Variants in MAPK10 observed in about 807,000 individuals in gnomAD.
The protein encoded by MAPK10 is JNK3 alpha protein kinase.
A neutral mutation model predicts 59.3 loss-of-function variants in MAPK10; 25 were observed. That is an observed-to-expected ratio of 0.42 (90% CI 0.31 to 0.59). MAPK10 has a LOEUF of 0.59. Among genes scored for constraint, MAPK10 ranks in the 20% least tolerant of loss-of-function variants. MAPK10 has a pLI of 0.15. For synonymous variants in MAPK10, 190 were observed against 200.5 expected (o/e 0.95, Z 0.44); for missense variants, 351 against 568.9 (o/e 0.62, Z 3.90).
chr4:86,260,260 T>G, intron 2 of MAPK10, among the ~76,000 whole-genome samples: 1 of 152,206 alleles, frequency 6.6e-6, no homozygotes, highest in East Asian at 1.9e-4. Context: ...AGGCTTTCCA[T>G]TTGTAAAATA....
chr4:86,266,960 T>C lies in MAPK10; in HGVS notation c.-6-72553A>G, dbSNP rs187655848. On this transcript the variant is annotated intron_variant, in intron 2 of 13. Coordinates refer to ENST00000641462, the MANE Select transcript of MAPK10 (RefSeq NM_138982.4). ...GTGGTATGGATGTGTATTGGTGGTA[T>C]AGATATGTATTTATGTATTTTCTTT... is the stretch of plus-strand genomic sequence containing the variant. Among the ~76,000 whole-genome samples the C allele has an allele frequency of 1.3e-4, 20 of 152,272 alleles. No individual in the cohort carries two copies. The East Asian group carries it at 3.1e-3, about 23-fold the overall frequency.
In MAPK10 at chr4:86,211,701, A is replaced by T. The variant is rs145246890; in HGVS notation, c.-6-17294T>A. Among the ~76,000 whole-genome samples the T allele has an allele frequency of 3.5e-3, 526 of 152,224 alleles. 1 individual carries two copies. The highest frequency in any genetic ancestry group is 5.0e-3 in the Non-Finnish European group (338 of 67,982). ...TATTGCAATAATCATTTGTAATTCT[A>T]CTCTTTGCTTTCTACATAATTTAAG... is the stretch of plus-strand genomic sequence containing the variant. On this transcript the variant is annotated intron_variant, in intron 2 of 13. Coordinates refer to ENST00000641462, the MANE Select transcript of MAPK10 (RefSeq NM_138982.4).
intron 2 of MAPK10, among the ~76,000 whole-genome samples, chr4:86,199,242 T>C (rs1443755317): frequency 6.6e-6 from 1 of 152,004 alleles, no homozygotes. Flanking sequence ...CATTAGAATA[T>C]TTTTATAATA....
At chr4:86,228,819 A>G (rs2091092293) in intron 2 of MAPK10, among the ~76,000 whole-genome samples, 2 of 152,278 alleles carry the variant, frequency 1.3e-5, no homozygotes, top group Admixed American at 1.3e-4. Context: ...CGGGTAAGCT[A>G]TGATTTCTCT....
At chr4:86,103,117 G>GGT (rs1553989213) in intron 6 of MAPK10, 69 bp downstream of exon 6, 8 of 743,242 alleles carry the variant, frequency 1.1e-5, no homozygotes, top group Non-Finnish European at 1.6e-5. Flanking sequence ...GTGTGTGTGT[G>GGT]GTGTGTGATT....
At chr4:86,524,484 A>G (rs1757328748) in intron 1 of MAPK10, among the ~76,000 whole-genome samples, 1 of 152,156 alleles carries the variant, frequency 6.6e-6, no homozygotes, top group South Asian at 2.1e-4. Context: ...TGTATTTGTC[A>G]GAAAGTTTCT....
chr4:86,050,905 A>C (rs896597043), intron 11 of MAPK10, among the ~76,000 whole-genome samples: 1 of 152,160 alleles, frequency 6.6e-6, no homozygotes, highest in Admixed American at 6.6e-5. Flanking sequence ...CTTAGGTAAG[A>C]AATTTTCAGA....
intron 1 of MAPK10, among the ~76,000 whole-genome samples, chr4:86,389,094 G>C (rs1741868006): frequency 6.6e-6 from 1 of 152,152 alleles, no homozygotes; most frequent in Non-Finnish European, 1.5e-5. Context: ...CATGGGGCTG[G>C]ATCTCCCGCT....
chr4:86,535,195 C>T (rs115568512), intron 1 of MAPK10, among the ~76,000 whole-genome samples: 425 of 152,180 alleles, frequency 2.8e-3, no homozygotes, highest in Non-Finnish European at 2.2e-3. Context: ...AAATTTGTTT[C>T]TGAGAAGTGA....
intron 2 of MAPK10, among the ~76,000 whole-genome samples, chr4:86,249,785 C>A (rs573242438): frequency 1.2e-4 from 19 of 152,264 alleles, no homozygotes; most frequent in African/African-American, 4.3e-4. Flanking sequence ...AAATATACTT[C>A]TAGGCCAGGT....
chr4:86,055,141 G>A (rs1158543253), intron 11 of MAPK10, among the ~76,000 whole-genome samples: 1 of 152,108 alleles, frequency 6.6e-6, no homozygotes, highest in Non-Finnish European at 1.5e-5. Flanking sequence ...AACTGGTGAT[G>A]GGCACTTGGG....
chr4:86,238,937 AATGCT>A (rs2092499391), intron 2 of MAPK10, among the ~76,000 whole-genome samples: 1 of 152,190 alleles, frequency 6.6e-6, no homozygotes, highest in Admixed American at 6.5e-5. Flanking sequence ...TTTCAAAGGG[AATGCT>A]TCCAGCTTTT....
intron 2 of MAPK10, among the ~76,000 whole-genome samples, chr4:86,254,873 G>A (rs28536101): frequency 6.6e-6 from 1 of 151,976 alleles, no homozygotes; most frequent in African/African-American, 2.4e-5. Flanking sequence ...AAAAATTGGG[G>A]TTTTTGTAAG....
chr4:86,417,106 A>T (rs1430594052), intron 1 of MAPK10, among the ~76,000 whole-genome samples: 1 of 152,254 alleles, frequency 6.6e-6, no homozygotes, highest in Non-Finnish European at 1.5e-5. Flanking sequence ...TGGTACTCAT[A>T]GAATTAGTAA....
At position 86,177,058 on chromosome 4, in the gene MAPK10, C is replaced by T. The variant is rs372813372; in HGVS notation, c.66+17278G>A. On this transcript the variant is annotated intron_variant, in intron 3 of 13. Transcript: ENST00000641462. ...GAAGGTAAAGTAAAAATTTCTCTTT[C>T]CCCATTACATGAAAAACTAAAATAG... Among the ~76,000 whole-genome samples the T allele has an allele frequency of 2.6e-3, 402 of 152,134 alleles. 1 individual carries two copies. The highest frequency in any genetic ancestry group is 8.9e-3 in the African/African-American group (370 of 41,528).
At chr4:86,366,911 C>T (rs1476955112) in intron 1 of MAPK10, among the ~76,000 whole-genome samples, 4 of 152,122 alleles carry the variant, frequency 2.6e-5, no homozygotes, top group Non-Finnish European at 5.9e-5. Flanking sequence ...TTCTAGCAGG[C>T]ATTTCTCATG....
intron 1 of MAPK10, among the ~76,000 whole-genome samples, chr4:86,536,405 A>G (rs1340376188): frequency 6.6e-6 from 1 of 152,196 alleles, no homozygotes; most frequent in Non-Finnish European, 1.5e-5. Flanking sequence ...CATGCAACTA[A>G]TGTATTCAGT....
intron 13 of MAPK10, chr4:86,026,523 T>A (rs1410833873): frequency 3.9e-5 from 6 of 152,238 alleles, no homozygotes. Flanking sequence ...ATTTCAAACC[T>A]ATAAATTATT....
chr4:86,218,705 G>A (rs1005634366), intron 2 of MAPK10, among the ~76,000 whole-genome samples: 2 of 152,054 alleles, frequency 1.3e-5, no homozygotes, highest in Non-Finnish European at 2.9e-5. Context: ...TATTAATTAG[G>A]TGAAATGTCA....
Sources: allele counts gnomAD v4.1 joint callset (sites outside exome capture counted in the v4.1 genomes callset), GRCh38; gene constraint gnomAD v4.1.1; transcripts MANE v1.5; gene names NCBI Gene and HGNC (gene_info 2026-07-23, HGNC 2026-07-21).